The following ADGRA3 variants were observed in gnomAD, a reference collection of about 807,000 sequenced individuals.
ADGRA3 encodes the protein G-protein coupled receptor 125.
Under a neutral mutation model 119.8 loss-of-function variants are expected in ADGRA3, and 56 were observed. The observed-to-expected ratio is 0.47, with a 90% CI of 0.38 to 0.58. ADGRA3 has a LOEUF of 0.58. ADGRA3 is among the 20% of genes least tolerant of loss of function. The pLI is 0.00. For synonymous variants in ADGRA3, 607 were observed against 623.8 expected, an observed-to-expected ratio of 0.97 and a Z score of 0.40; for missense variants, 1,516 against 1,649.0, an observed-to-expected ratio of 0.92 and a Z score of 1.40.
Position 22,508,514 on chromosome 4 carries a change from G to A in ADGRA3, c.257+7014C>T, listed in dbSNP as rs117297754. ...GTCCATGGAAAAAGTAATCTGTGCTGGGTATTGAGAAATCAGGCTGCAGAT... is the reference window on the plus strand; with the variant it reads ...GTCCATGGAAAAAGTAATCTGTGCTAGGTATTGAGAAATCAGGCTGCAGAT... On this transcript the variant is annotated intron_variant, in intron 1 of 18. Transcript: ENST00000334304. Among the ~76,000 whole-genome samples, 380 of 152,312 alleles carry A rather than the reference G, an allele frequency of 2.5e-3. 17 individuals carry two copies. The East Asian group carries it at 0.067, about 27-fold the overall frequency.
intron 1 of ADGRA3, among the ~76,000 whole-genome samples, chr4:22,507,184 G>A (rs1719270524): frequency 6.6e-6 from 1 of 152,070 alleles, no homozygotes; most frequent in African/African-American, 2.4e-5. Flanking sequence ...AGCTTGCAGT[G>A]AGCCGAGATC....
At position 22,433,087 on chromosome 4, in the gene ADGRA3, T is replaced by C. The variant is rs562360156; in HGVS notation, c.1443+2224A>G. On this transcript the variant is annotated intron_variant, in intron 10 of 18. Coordinates refer to ENST00000334304, the MANE Select transcript of ADGRA3 (RefSeq NM_145290.4). ...GTTCAAATTGCCAAAGAACTGTATG[T>C]CAGTCACTGCATCACACGCAATATT... 3.3e-5 allele frequency among the ~76,000 whole-genome samples: 5 copies of C among 152,316 alleles called. No homozygotes were observed. In the South Asian group the frequency reaches 1.0e-3, roughly 32 times the overall value.
intron 11 of ADGRA3, among the ~76,000 whole-genome samples, chr4:22,422,600 A>G (rs1161294529): frequency 1.3e-5 from 2 of 152,160 alleles, no homozygotes; most frequent in Non-Finnish European, 2.9e-5. Context: ...TGTCATTTTG[A>G]GGCACCTGTG....
At chr4:22,414,405 CTGAT>C in intron 12 of ADGRA3, 1 of 460,900 alleles carries the variant, frequency 2.2e-6, no homozygotes, top group East Asian at 3.4e-5. Context: ...AAAATGCTGA[CTGAT>C]CACTGAATTT....
chr4:22,425,179 G>A (rs1480021424), intron 10 of ADGRA3, among the ~76,000 whole-genome samples: 2 of 151,768 alleles, frequency 1.3e-5, no homozygotes, highest in African/African-American at 4.8e-5. Flanking sequence ...GTCCTTGTAT[G>A]TGTTGTATGA....
chr4:22,496,368 C>T (rs1008367107), intron 1 of ADGRA3, among the ~76,000 whole-genome samples: 1 of 152,170 alleles, frequency 6.6e-6, no homozygotes, highest in African/African-American at 2.4e-5. Context: ...CATTAGGGAA[C>T]TATGAAAAGC....
chr4:22,498,878 C>A (rs574449434), intron 1 of ADGRA3, among the ~76,000 whole-genome samples: 1 of 151,610 alleles, frequency 6.6e-6, no homozygotes, highest in African/African-American at 2.4e-5. Context: ...CACACCACTG[C>A]GCTCCAGCTT....
chr4:22,503,482 C>T (rs193028794), intron 1 of ADGRA3, among the ~76,000 whole-genome samples: 25 of 152,280 alleles, frequency 1.6e-4, no homozygotes, highest in African/African-American at 5.8e-4. Flanking sequence ...TGTTAAAGAA[C>T]CTGCATTACA....
rs576587474 is a variant in ADGRA3 at position 22,401,941 on chromosome 4, G to C, written c.2358-387C>G. Reference sequence around the variant, plus strand: ...GCAAGATGCCAATGGGTCTTTTTTTGACCCACTGGCGCAGGTCTAAACACT... The same window carrying C: ...GCAAGATGCCAATGGGTCTTTTTTTCACCCACTGGCGCAGGTCTAAACACT... On this transcript the variant is annotated intron_variant, in intron 15 of 18. Coordinates refer to ENST00000334304, the MANE Select transcript of ADGRA3 (RefSeq NM_145290.4). Among the ~76,000 whole-genome samples, 89 of 151,970 alleles carry C rather than the reference G, an allele frequency of 5.9e-4. 2 individuals carry two copies. Among genetic ancestry groups the C allele is most frequent in the Non-Finnish European group, 2.9e-4 (20 of 67,936 alleles).
At chr4:22,507,080 T>A (rs1168475338) in intron 1 of ADGRA3, among the ~76,000 whole-genome samples, 1 of 149,202 alleles carries the variant, frequency 6.7e-6, no homozygotes, top group African/African-American at 2.5e-5. Context: ...TACTAAAAAT[T>A]AAAAAAAAAA....
chr4:22,456,413 G>A (rs1361642878), intron 3 of ADGRA3, among the ~76,000 whole-genome samples: 1 of 152,086 alleles, frequency 6.6e-6, no homozygotes, highest in Non-Finnish European at 1.5e-5. Context: ...GGGACAAACA[G>A]GCAAAAGAGA....
chr4:22,485,909 G>A (rs1189362947), intron 1 of ADGRA3, among the ~76,000 whole-genome samples: 2 of 152,210 alleles, frequency 1.3e-5, no homozygotes, highest in Non-Finnish European at 2.9e-5. Context: ...TGGAGCAGCT[G>A]TTTCAGGTTA....
At chr4:22,413,555 G>A (rs573536660) in intron 13 of ADGRA3, 46 bp downstream of exon 13, 1 of 1,524,042 alleles carries the variant, frequency 6.6e-7, no homozygotes, top group South Asian at 1.1e-5. Flanking sequence ...CAACTACAAG[G>A]CCTTATTGTC....
chr4:22,418,832 T>C (rs1715535117), intron 12 of ADGRA3, among the ~76,000 whole-genome samples: 1 of 151,714 alleles, frequency 6.6e-6, no homozygotes, highest in East Asian at 1.9e-4. Context: ...TGTGAAATGG[T>C]GAAAAGAGAG....
At chr4:22,417,707 T>C (rs1715485532) in intron 12 of ADGRA3, among the ~76,000 whole-genome samples, 1 of 152,116 alleles carries the variant, frequency 6.6e-6, no homozygotes, top group South Asian at 2.1e-4. Context: ...TTCTGAAGAA[T>C]GAACAAAGCA....
chr4:22,390,095 TAG>T (rs1392609615), intron 17 of ADGRA3, among the ~76,000 whole-genome samples: 3 of 152,046 alleles, frequency 2.0e-5, no homozygotes, highest in Admixed American at 2.0e-4. Context: ...TTCCACAGAT[TAG>T]AGAGATGCCA....
At chr4:22,389,594 A>AG (rs1560291792) in intron 17 of ADGRA3, among the ~76,000 whole-genome samples, 1 of 151,914 alleles carries the variant, frequency 6.6e-6, no homozygotes, top group Non-Finnish European at 1.5e-5. Context: ...GTAATGACAT[A>AG]TTAATTACTG....
chr4:22,416,990 T>C (rs943032937), intron 12 of ADGRA3, among the ~76,000 whole-genome samples: 2 of 152,200 alleles, frequency 1.3e-5, no homozygotes, highest in African/African-American at 2.4e-5. Flanking sequence ...AAATCTACAG[T>C]ATTCTAACAT....
chr4:22,510,656 G>A (rs1452231755), intron 1 of ADGRA3, among the ~76,000 whole-genome samples: 1 of 152,010 alleles, frequency 6.6e-6, no homozygotes, highest in Non-Finnish European at 1.5e-5. Flanking sequence ...ACTTCAAGTG[G>A]GCCAGCCACC....
Sources: gnomAD v4.1 joint callset for allele counts (sites outside exome capture counted in the v4.1 genomes callset) on GRCh38, gnomAD v4.1.1 for gene constraint, MANE v1.5 for transcripts, NCBI Gene and HGNC (gene_info 2026-07-23, HGNC 2026-07-21) for gene names.